Variants in ANO2 observed in about 807,000 individuals in gnomAD.
The protein encoded by ANO2 is anoctamin-2.
Under a neutral mutation model 124.2 loss-of-function variants are expected in ANO2, and 101 were observed. That is an observed-to-expected ratio of 0.81 (90% CI 0.69 to 0.96). The LOEUF is 0.96. ANO2 is among the 40% of genes least tolerant of loss of function. ANO2 has a pLI of 0.00. For synonymous variants in ANO2, 486 were observed against 482.5 expected (o/e 1.01, Z -0.09); for missense variants, 1,293 against 1,274.5 (o/e 1.01, Z -0.22).
At chr12:5,873,129 C>T (rs193119124) in intron 3 of ANO2, among the ~76,000 whole-genome samples, 4 of 150,620 alleles carry the variant, frequency 2.7e-5, no homozygotes, top group East Asian at 3.9e-4. Context: ...CAGATAAAGA[C>T]GGAGTGAGGG....
rs888630348 is a variant in ANO2 at position 5,610,727 on chromosome 12, T to TATAC, written c.2087+1928_2087+1929insGTAT. 3.3e-4 allele frequency among the ~76,000 whole-genome samples: 45 copies of TATAC among 134,734 alleles called. 1 individual carries two copies. Among genetic ancestry groups the TATAC allele is most frequent in the African/African-American group, 4.9e-4 (18 of 36,696 alleles). The allele number at this position is 134,734 out of a possible 152,430, so 88.4% of individuals were successfully genotyped here. A position where few individuals can be genotyped will look rare whatever the true frequency, so the allele number is the denominator to read the frequency against. The stretch of plus-strand genomic sequence containing the variant: ...ATGTATGTGTACACATATATACATA[T>TATAC]ATATATATATATATATGAAAATAAA... On this transcript the variant is annotated intron_variant, in intron 19 of 24. Transcript: ENST00000682330.
chr12:5,912,984 T>G (rs1318966265), intron 3 of ANO2, among the ~76,000 whole-genome samples: 2 of 152,108 alleles, frequency 1.3e-5, no homozygotes, highest in African/African-American at 4.8e-5. Context: ...CAAGCAACCA[T>G]CCCACTCCAG....
intron 20 of ANO2, among the ~76,000 whole-genome samples, chr12:5,581,457 A>G (rs1942753709): frequency 6.6e-6 from 1 of 152,166 alleles, no homozygotes. Context: ...CCAGGGTTAT[A>G]GGAAAAATGG....
chr12:5,770,374 G>A (rs1325088789), intron 10 of ANO2, among the ~76,000 whole-genome samples: 1 of 152,124 alleles, frequency 6.6e-6, no homozygotes, highest in Admixed American at 6.5e-5. Context: ...GGGTCCCAAG[G>A]TTAACAAGAT....
chr12:5,775,461 CTT>C (rs369913885), intron 10 of ANO2, among the ~76,000 whole-genome samples: 23 of 132,636 alleles, frequency 1.7e-4, no homozygotes, highest in East Asian at 2.1e-4. Flanking sequence ...ACCATCAATC[CTT>C]TTTTTTTTTT....
Position 5,635,678 on chromosome 12 carries a change from C to A in ANO2, c.1621-331G>T, listed in dbSNP as rs907133364. Among the ~76,000 whole-genome samples, 2 of 151,608 alleles carry A rather than the reference C, an allele frequency of 1.3e-5. No homozygotes were observed. The highest frequency in any genetic ancestry group is 4.9e-5 in the African/African-American group (2 of 41,154). On this transcript the variant is annotated intron_variant, in intron 15 of 24. Transcript: ENST00000682330. The surrounding 1 kb of genome is among the most constrained non-coding windows in gnomAD (Gnocchi z 5.2). The stretch of plus-strand genomic sequence containing the variant: ...TGTGGAGTGTTCAACACACATGACG[C>A]AATTTCTTTCATTAGGGAGCTTTTG...
chr12:5,723,115 T>C (rs1425544983), intron 14 of ANO2, among the ~76,000 whole-genome samples: 2 of 152,304 alleles, frequency 1.3e-5, no homozygotes, highest in East Asian at 1.9e-4. Context: ...AGAGCCTTTC[T>C]TCCTTTCTCA....
intron 7 of ANO2, among the ~76,000 whole-genome samples, chr12:5,810,574 C>A (rs1304843844): frequency 1.3e-5 from 2 of 152,178 alleles, no homozygotes; most frequent in Non-Finnish European, 2.9e-5. Context: ...AGAGACCCAA[C>A]CTTTTGTCCT....
At chr12:5,684,318 C>A (rs1203011061) in intron 14 of ANO2, among the ~76,000 whole-genome samples, 1 of 152,206 alleles carries the variant, frequency 6.6e-6, no homozygotes, top group African/African-American at 2.4e-5. Flanking sequence ...CAAAAATATT[C>A]ATTGAGTCCC....
chr12:5,924,838 T>C (rs1942005446), intron 1 of ANO2, among the ~76,000 whole-genome samples: 1 of 152,200 alleles, frequency 6.6e-6, no homozygotes, highest in Non-Finnish European at 1.5e-5. Flanking sequence ...CTCAAAATGA[T>C]CTTTGGAGAA....
At position 5,706,461 on chromosome 12, in the gene ANO2, C is replaced by T. The variant is rs182652876; in HGVS notation, c.1545+26059G>A. On this transcript the variant is annotated intron_variant, in intron 14 of 24. Coordinates refer to ENST00000682330, the MANE Select transcript of ANO2 (RefSeq NM_001364791.2). ...TGCACTTGCTATCTCTCTGTCTGTGCACTCTTTCCCCAGATATGCATACTT... is the reference window on the plus strand; with the variant it reads ...TGCACTTGCTATCTCTCTGTCTGTGTACTCTTTCCCCAGATATGCATACTT... Among the ~76,000 whole-genome samples, 315 of 152,290 alleles carry T rather than the reference C, an allele frequency of 2.1e-3. 3 individuals carry two copies. Among genetic ancestry groups the T allele is most frequent in the Non-Finnish European group, 5.6e-4 (38 of 68,012 alleles).
chr12:5,622,990 A>AGAAAGGAAG (rs141981663), intron 16 of ANO2, among the ~76,000 whole-genome samples: 3,328 of 151,018 alleles, frequency 0.022, 128 homozygotes, highest in African/African-American at 0.076. Flanking sequence ...AGAAACGAAA[A>AGAAAGGAAG]GAAAGGAAGG....
At chr12:5,847,159 C>T (rs919482740) in intron 4 of ANO2, among the ~76,000 whole-genome samples, 4 of 152,096 alleles carry the variant, frequency 2.6e-5, no homozygotes, top group Non-Finnish European at 5.9e-5. Context: ...AGTTGAAGGC[C>T]GGAATAGAAC....
intron 3 of ANO2, among the ~76,000 whole-genome samples, chr12:5,915,018 G>A (rs778688966): frequency 4.6e-5 from 7 of 152,142 alleles, no homozygotes; most frequent in Non-Finnish European, 8.8e-5. Context: ...TCACCCACTC[G>A]CAGTCCCGCC....
At chr12:5,580,005 C>T (rs996039228) in intron 20 of ANO2, among the ~76,000 whole-genome samples, 5 of 152,198 alleles carry the variant, frequency 3.3e-5, no homozygotes, top group African/African-American at 1.2e-4. Flanking sequence ...CTTGCTCACA[C>T]ATCTTTATTT....
intron 19 of ANO2, among the ~76,000 whole-genome samples, chr12:5,611,274 C>A (rs375317306): frequency 9.2e-5 from 14 of 152,052 alleles, no homozygotes; most frequent in African/African-American, 3.4e-4. Context: ...TGGCCAGAAA[C>A]CTCTCTGCTT....
rs368929381 is a variant in ANO2, at chr12:5,578,362, G to A, written c.2386+4C>T. The A allele has an allele frequency of 7.6e-5, 123 of 1,613,114 alleles. 1 individual carries two copies. The Admixed American group carries it at 1.5e-3, about 19-fold the overall frequency. ...CTGGTGGGGCCTCTAAGTGGGGCAC[G>A]TACCGATATCTTTGGTTCTTACAGC... On this transcript the variant is annotated splice_donor_region_variant and intron_variant, in intron 21 of 24. Coordinates refer to ENST00000682330, the MANE Select transcript of ANO2 (RefSeq NM_001364791.2).
chr12:5,657,585 A>T (rs1591831719), intron 14 of ANO2, among the ~76,000 whole-genome samples: 1 of 149,944 alleles, frequency 6.7e-6, no homozygotes, highest in Non-Finnish European at 1.5e-5. Context: ...GGCCCTTGGG[A>T]CATTGTCAGA....
chr12:5,749,021 C>T (rs1951359978), intron 11 of ANO2, among the ~76,000 whole-genome samples: 1 of 152,010 alleles, frequency 6.6e-6, no homozygotes, highest in South Asian at 2.1e-4. Flanking sequence ...ATTTGCAAAC[C>T]ATTTGCATAG....
Sources: allele counts gnomAD v4.1 joint callset (sites outside exome capture counted in the v4.1 genomes callset), GRCh38; gene constraint gnomAD v4.1.1; non-coding constraint Gnocchi (gnomAD v3.1); transcripts MANE v1.5; gene names NCBI Gene and HGNC (gene_info 2026-07-23, HGNC 2026-07-21).